TMED2: variants seen among roughly 807,000 people sequenced by gnomAD.
The protein encoded by TMED2 is transmembrane emp24 domain-containing protein 2.
TMED2 carries 3 observed loss-of-function variants against 17.5 expected under a neutral mutation model. The ratio of observed to expected loss-of-function variants is 0.17; its 90% CI spans 0.08 to 0.44. The LOEUF is 0.44. Among genes scored for constraint, TMED2 ranks in the 20% least tolerant of loss-of-function variants. The probability of loss-of-function intolerance (pLI) is 0.99; values close to 1 mark genes in which losing one functional copy is unlikely to be tolerated. For missense variants in TMED2, 149 were observed against 254.8 expected, an observed-to-expected ratio of 0.58 and a Z score of 2.83; for synonymous variants, 95 against 91.0, an observed-to-expected ratio of 1.04 and a Z score of -0.25.
intron 3 of TMED2, among the ~76,000 whole-genome samples, chr12:123,593,005 A>C (rs1302079970): frequency 6.6e-6 from 1 of 152,070 alleles, no homozygotes; most frequent in Non-Finnish European, 1.5e-5. Flanking sequence ...GTAGTTCGAG[A>C]CCAGCCTGGC....
intron 3 of TMED2, among the ~76,000 whole-genome samples, chr12:123,595,864 A>C (rs1030795583): frequency 5.3e-5 from 8 of 152,198 alleles, no homozygotes; most frequent in African/African-American, 1.9e-4. Flanking sequence ...CCCTTTCTCT[A>C]CAAAAACAGA....
chr12:123,593,907 C>T (rs1953411369), intron 3 of TMED2, among the ~76,000 whole-genome samples: 1 of 151,968 alleles, frequency 6.6e-6, no homozygotes, highest in African/African-American at 2.4e-5. Context: ...GTGATCCTCC[C>T]GCCTCAACCT....
intron 2 of TMED2, 40 bp downstream of exon 2, chr12:123,586,979 A>T (rs771328879): frequency 3.3e-6 from 5 of 1,512,406 alleles, no homozygotes; most frequent in African/African-American, 1.4e-5. Context: ...ACATTCCAAG[A>T]GCTAATTTTA....
At position 123,597,175 on chromosome 12, in the gene TMED2, A is replaced by G. The variant is rs1953436827; in HGVS notation, c.*446A>G. ...TTTTTGTTGAGTCCTTATGAGAAACAGCAGTATGAATCTTGACGGTTTCTG... is the reference window on the plus strand; with the variant it reads ...TTTTTGTTGAGTCCTTATGAGAAACGGCAGTATGAATCTTGACGGTTTCTG... On this transcript the variant is annotated 3_prime_UTR_variant, in exon 4 of 4. Transcript: ENST00000262225. 1 of 152,440 alleles carries G rather than the reference A, an allele frequency of 6.6e-6. No homozygotes were observed. Among genetic ancestry groups the G allele is most frequent in the Non-Finnish European group, 1.5e-5 (1 of 68,206 alleles). The allele number at this position is 152,440 out of a possible 1,614,324, so 9.4% of individuals were successfully genotyped here.
chr12:123,585,620 G>A (rs1192262314), intron 1 of TMED2: 16 of 152,244 alleles, frequency 1.1e-4, no homozygotes, highest in African/African-American at 3.9e-4. Context: ...CTGGGCACAA[G>A]TTACACAATA....
intron 3 of TMED2, among the ~76,000 whole-genome samples, chr12:123,591,493 G>A (rs1307364746): frequency 1.3e-5 from 2 of 152,130 alleles, no homozygotes; most frequent in African/African-American, 4.8e-5. Context: ...GAGATGAAAA[G>A]AGCAAGGTGG....
rs754638842 is a variant in TMED2 at position 123,584,762 on chromosome 12, G to A, written c.126G>A (p.Lys42=). The A allele has an allele frequency of 9.3e-6, 15 of 1,613,550 alleles. No homozygotes were observed. Among genetic ancestry groups the A allele is most frequent in the Non-Finnish European group, 1.3e-5 (15 of 1,179,898 alleles). The stretch of plus-strand genomic sequence containing the variant: ...TTGAGCGGGTCACCTCGGGCACCAA[G>A]ATGGGCCTCATCTTCGAGGTGGCGG... ...CFFERVTSGT[K]MGLIFEVAEG... Residue 42 remains lysine, a synonymous_variant, in exon 1 of 4, where the codon AAG becomes AAA. Transcript: ENST00000262225.
At position 123,586,734 on chromosome 12, in the gene TMED2, C is replaced by G. The variant is rs762314472; in HGVS notation, c.181-13C>G. On this transcript the variant is annotated splice_polypyrimidine_tract_variant and intron_variant, in intron 1 of 3. Coordinates refer to ENST00000262225, the MANE Select transcript of TMED2 (RefSeq NM_006815.4). ...CTTTTGTGACATTTTATGCATTTCT[C>G]TCTTGCCTCCAGATTACAGGACCAG... is the stretch of plus-strand genomic sequence containing the variant. 9.5e-6 allele frequency: 15 copies of G among 1,573,794 alleles called. No individual in the cohort carries two copies. The highest frequency in any genetic ancestry group is 1.3e-5 in the Non-Finnish European group (15 of 1,158,926).
At chr12:123,588,198 T>G (rs1049013997) in intron 2 of TMED2, among the ~76,000 whole-genome samples, 1 of 149,138 alleles carries the variant, frequency 6.7e-6, no homozygotes, top group East Asian at 1.9e-4. Context: ...TTTTTTTTTG[T>G]TTTTTTTTTC....
At position 123,586,809 on chromosome 12, in the gene TMED2, A is replaced by G; in HGVS notation, c.243A>G (p.Thr81=). 1 of 1,613,176 alleles carries G rather than the reference A, an allele frequency of 6.2e-7. No homozygotes were observed. Among genetic ancestry groups the G allele is most frequent in the Admixed American group, 1.7e-5 (1 of 59,764 alleles). The change falls in exon 2 of 4, where the codon ACA becomes ACG. Residue 81 remains threonine, a synonymous_variant. Coordinates refer to ENST00000262225, the MANE Select transcript of TMED2 (RefSeq NM_006815.4). Reference sequence around the variant, plus strand: ...ACAGAGAATCCAGTGGGAAATACACATTTGCTGCTCACATGGATGGAACAT... The same window carrying G: ...ACAGAGAATCCAGTGGGAAATACACGTTTGCTGCTCACATGGATGGAACAT... ...KGDRESSGKY[T]FAAHMDGTYK... is the part of the protein sequence containing the mutation.
Position 123,589,400 on chromosome 12 carries a change from T to C in TMED2, c.374-942T>C, listed in dbSNP as rs138349275. On this transcript the variant is annotated intron_variant, in intron 2 of 3. Coordinates refer to ENST00000262225, the MANE Select transcript of TMED2 (RefSeq NM_006815.4). ...TTAGAGTTACATGACTCTTAGACTT[T>C]ATTTGTAGGATTACATTTTAAAAAT... 5.6e-3 allele frequency among the ~76,000 whole-genome samples: 854 copies of C among 152,350 alleles called. 7 individuals are homozygous for C. The highest frequency in any genetic ancestry group is 0.02 in the African/African-American group (817 of 41,580).
rs537701301 is a variant in TMED2 at position 123,597,892 on chromosome 12, A to C, written c.*1163A>C. 6.7e-6 allele frequency: 1 copy of C among 149,044 alleles called. No homozygotes were observed. The highest frequency in any genetic ancestry group is 2.5e-5 in the African/African-American group (1 of 40,654). 9.2% of individuals were successfully genotyped at this position (149,044 alleles called of 1,614,324 possible). The stretch of plus-strand genomic sequence containing the variant: ...TCTTTGCAAGGGCAAAACTACAAGT[A>C]ACGAGTTTTATATAATTAATTTAAA... On this transcript the variant is annotated 3_prime_UTR_variant, in exon 4 of 4. Coordinates refer to ENST00000262225, the MANE Select transcript of TMED2 (RefSeq NM_006815.4).
At chr12:123,587,283 A>G (rs1307196143) in intron 2 of TMED2, among the ~76,000 whole-genome samples, 2 of 152,136 alleles carry the variant, frequency 1.3e-5, no homozygotes, top group Admixed American at 1.3e-4. Flanking sequence ...GTATGCCACC[A>G]TGCCCGGCTA....
chr12:123,594,962 C>T (rs1953420372), intron 3 of TMED2, among the ~76,000 whole-genome samples: 1 of 151,840 alleles, frequency 6.6e-6, no homozygotes, highest in Admixed American at 6.6e-5. Context: ...GGCGTGGTGG[C>T]TCATGCCTAT....
Position 123,586,740 on chromosome 12 carries a change from C to G in TMED2, c.181-7C>G. The G allele has an allele frequency of 6.3e-7, 1 of 1,577,192 alleles. No individual in the cohort carries two copies. Among genetic ancestry groups the G allele is most frequent in the Non-Finnish European group, 8.6e-7 (1 of 1,160,302 alleles). On this transcript the variant is annotated splice_polypyrimidine_tract_variant and splice_region_variant and intron_variant, in intron 1 of 3. Transcript: ENST00000262225. ...TGACATTTTATGCATTTCTCTCTTG[C>G]CTCCAGATTACAGGACCAGATAACA... is the stretch of plus-strand genomic sequence containing the variant.
At chr12:123,594,369 C>G (rs1251612009) in intron 3 of TMED2, among the ~76,000 whole-genome samples, 1 of 150,784 alleles carries the variant, frequency 6.6e-6, no homozygotes, top group South Asian at 2.1e-4. Flanking sequence ...CTCCTGACCT[C>G]GTGATCCACC....
intron 1 of TMED2, chr12:123,585,947 A>G (rs184786793): frequency 3.9e-5 from 6 of 152,382 alleles, no homozygotes; most frequent in African/African-American, 1.4e-4. Context: ...TTAAAAAACC[A>G]CAAACGTTTA....
chr12:123,593,903 C>G (rs1467429034), intron 3 of TMED2, among the ~76,000 whole-genome samples: 2 of 152,090 alleles, frequency 1.3e-5, no homozygotes, highest in Non-Finnish European at 2.9e-5. Context: ...TCAAGTGATC[C>G]TCCCGCCTCA....
intron 3 of TMED2, among the ~76,000 whole-genome samples, chr12:123,592,873 C>G (rs545248441): frequency 2.6e-5 from 4 of 152,228 alleles, no homozygotes; most frequent in Non-Finnish European, 5.9e-5. Context: ...AGTTTGAGAC[C>G]AGCCTGGCCA....
Sources: allele counts gnomAD v4.1 joint callset (sites outside exome capture counted in the v4.1 genomes callset), GRCh38; gene constraint gnomAD v4.1.1; transcripts MANE v1.5; gene names NCBI Gene and HGNC (gene_info 2026-07-23, HGNC 2026-07-21).